The following WWTR1 variants were observed in gnomAD, a reference collection of about 807,000 sequenced individuals.
The protein encoded by WWTR1 is WW domain-containing transcription regulator protein 1.
WWTR1 carries 13 observed loss-of-function variants against 40.1 expected under a neutral mutation model. The observed-to-expected ratio is 0.32, with a 90% confidence interval of 0.21 to 0.52. The LOEUF (loss-of-function observed/expected upper bound fraction) is 0.52. Ranked by LOEUF, WWTR1 falls within the 20% of genes least tolerant of loss-of-function variation. The pLI, the probability that WWTR1 is intolerant of heterozygous loss-of-function variation, is 0.97. For missense variants in WWTR1, 436 were observed against 523.1 expected (o/e 0.83, Z 1.63); for synonymous variants, 230 against 210.1 (o/e 1.09, Z -0.82).
intron 2 of WWTR1, among the ~76,000 whole-genome samples, chr3:149,645,229 G>A (rs548082008): frequency 8.5e-4 from 129 of 152,160 alleles, no homozygotes; most frequent in African/African-American, 2.2e-3. Flanking sequence ...ACAGGTGCCC[G>A]CCACCACGCC....
chr3:149,717,220 G>C (rs1041200563), intron 5 of WWTR1, among the ~76,000 whole-genome samples: 1 of 152,120 alleles, frequency 6.6e-6, no homozygotes, highest in South Asian at 2.1e-4. Context: ...TTTCCCGTTC[G>C]AAAGCAGTTT....
chr3:149,657,316 AAAG>A lies in WWTR1; in HGVS notation c.-3-10_-3-8del, dbSNP rs776764907. On this transcript the variant is annotated splice_polypyrimidine_tract_variant and splice_region_variant and intron_variant, in intron 1 of 6. Transcript: ENST00000360632. ...CCGAGGCCGGATTCATCTTCTGCAAAAAGAAGGTCAGATCAGCCTTTTATTTAA... is the reference window on the plus strand; with the variant it reads ...CCGAGGCCGGATTCATCTTCTGCAAAAAGGTCAGATCAGCCTTTTATTTAA... 4.3e-4 allele frequency: 695 copies of A among 1,605,262 alleles called. No individual in the cohort carries two copies. Among genetic ancestry groups the A allele is most frequent in the Non-Finnish European group, 5.5e-4 (650 of 1,175,848 alleles).
chr3:149,589,058 T>A (rs1344622966), intron 2 of WWTR1, among the ~76,000 whole-genome samples: 2 of 152,166 alleles, frequency 1.3e-5, no homozygotes, highest in African/African-American at 4.8e-5. Flanking sequence ...CGGGAGAATC[T>A]AAACGAGGTG....
chr3:149,707,714 G>A (rs542534625), upstream of WWTR1, among the ~76,000 whole-genome samples: 1 of 152,234 alleles, frequency 6.6e-6, no homozygotes, highest in Admixed American at 6.5e-5. Context: ...AGGCAATGTA[G>A]GTTCTCAGCT....
chr3:149,603,554 C>CCCCCCCCCG (rs1397678075), intron 2 of WWTR1, among the ~76,000 whole-genome samples: 1 of 146,502 alleles, frequency 6.8e-6, no homozygotes, highest in African/African-American at 2.6e-5. Flanking sequence ...TTCCCCACCC[C>CCCCCCCCCG]CCCCTTGTAC....
intron 4 of WWTR1, among the ~76,000 whole-genome samples, chr3:149,718,814 TTTC>T (rs1417534738): frequency 2.1e-5 from 3 of 144,364 alleles, no homozygotes; most frequent in African/African-American, 8.0e-5. Context: ...CAGAATTTTC[TTTC>T]TTCTTCTTCT....
At chr3:149,645,003 C>G (rs1364280367) in intron 2 of WWTR1, among the ~76,000 whole-genome samples, 1 of 152,160 alleles carries the variant, frequency 6.6e-6, no homozygotes, top group Non-Finnish European at 1.5e-5. Flanking sequence ...CAGGTACACG[C>G]CACCATGCCC....
intron 2 of WWTR1, among the ~76,000 whole-genome samples, chr3:149,617,563 G>T (rs1740043340): frequency 1.3e-5 from 2 of 152,222 alleles, no homozygotes; most frequent in African/African-American, 4.8e-5. Context: ...ACTTTGGGAT[G>T]CCAAGGCAGG....
At chr3:149,668,465 G>C (rs207463875) in intron 2 of WWTR1, among the ~76,000 whole-genome samples, 1 of 151,978 alleles carries the variant, frequency 6.6e-6, no homozygotes, top group Non-Finnish European at 1.5e-5. Flanking sequence ...AAAATTAGCC[G>C]GGCATGGTGG....
At chr3:149,709,734 G>A (rs752549591) in intron 5 of WWTR1, among the ~76,000 whole-genome samples, 4 of 151,962 alleles carry the variant, frequency 2.6e-5, no homozygotes, top group Non-Finnish European at 4.4e-5. Context: ...GTGAAATCCT[G>A]TCTCTACTAA....
At chr3:149,534,590 C>T (rs547892828) in intron 4 of WWTR1, among the ~76,000 whole-genome samples, 116 of 152,242 alleles carry the variant, frequency 7.6e-4, no homozygotes, top group African/African-American at 2.7e-3. Flanking sequence ...GAGCTCATGT[C>T]CTAGGAATTC....
At chr3:149,684,568 T>A (rs75857279) in intron 1 of WWTR1, among the ~76,000 whole-genome samples, 1 of 151,966 alleles carries the variant, frequency 6.6e-6, no homozygotes. Context: ...ATTCTTTTTT[T>A]TTTTTTCCTT....
intron 2 of WWTR1, among the ~76,000 whole-genome samples, chr3:149,621,804 C>T (rs1208156929): frequency 6.6e-6 from 1 of 152,168 alleles, no homozygotes; most frequent in South Asian, 2.1e-4. Flanking sequence ...GACCAGTGAC[C>T]TAACATTAAA....
intron 2 of WWTR1, among the ~76,000 whole-genome samples, chr3:149,653,972 A>C (rs1044819736): frequency 6.6e-6 from 1 of 152,178 alleles, no homozygotes; most frequent in Non-Finnish European, 1.5e-5. Flanking sequence ...AGAGTCAAGA[A>C]AAAGATTCTT....
At chr3:149,643,118 T>C (rs1307348956) in intron 2 of WWTR1, among the ~76,000 whole-genome samples, 1 of 152,250 alleles carries the variant, frequency 6.6e-6, no homozygotes, top group Non-Finnish European at 1.5e-5. Flanking sequence ...TAATTAAACA[T>C]GTTTTATTTA....
At chr3:149,533,872 T>C (rs1384486468) in intron 4 of WWTR1, among the ~76,000 whole-genome samples, 1 of 151,950 alleles carries the variant, frequency 6.6e-6, no homozygotes, top group African/African-American at 2.4e-5. Context: ...AAGCTGCTGA[T>C]AGTGTTAAAT....
At chr3:149,653,815 C>A (rs960335471) in intron 2 of WWTR1, among the ~76,000 whole-genome samples, 8 of 152,134 alleles carry the variant, frequency 5.3e-5, no homozygotes, top group African/African-American at 1.9e-4. Context: ...CAGGGTCCAC[C>A]ATTAAATAAC....
rs192537991 is a variant in WWTR1, at chr3:149,622,588, C to T, written c.431+34288G>A. Among the ~76,000 whole-genome samples, 378 of 152,218 alleles carry T rather than the reference C, an allele frequency of 2.5e-3. 2 individuals are homozygous for T. The highest frequency in any genetic ancestry group is 8.7e-3 in the African/African-American group (361 of 41,554). On this transcript the variant is annotated intron_variant, in intron 2 of 6. Coordinates refer to ENST00000360632, the MANE Select transcript of WWTR1 (RefSeq NM_015472.6). Reference sequence around the variant, plus strand: ...GCGTGCGTCCAGGCGCAGTGGCTCACGCCTGTAATCCCAACATTTTGAGAG... The same window carrying T: ...GCGTGCGTCCAGGCGCAGTGGCTCATGCCTGTAATCCCAACATTTTGAGAG...
intron 2 of WWTR1, among the ~76,000 whole-genome samples, chr3:149,643,451 T>C (rs1712306158): frequency 1.3e-5 from 2 of 152,334 alleles, no homozygotes; most frequent in South Asian, 2.1e-4. Context: ...GTAATGATCA[T>C]ATCAATTAGA....
Sources: gnomAD v4.1 joint callset for allele counts (sites outside exome capture counted in the v4.1 genomes callset) on GRCh38, gnomAD v4.1.1 for gene constraint, MANE v1.5 for transcripts, NCBI Gene and HGNC (gene_info 2026-07-23, HGNC 2026-07-21) for gene names.